Variants in PEPD observed in about 807,000 individuals in gnomAD.
PEPD encodes the protein peptidase D, also known as xaa-Pro dipeptidase.
In PEPD, 53 loss-of-function variants were observed where a neutral mutation model predicts 60.7. That is an observed-to-expected ratio of 0.87 (90% CI 0.70 to 1.10). PEPD has a LOEUF of 1.10. PEPD is among the 50% of genes least tolerant of loss of function. The probability of loss-of-function intolerance (pLI) is 0.00; values close to 1 mark genes in which losing one functional copy is unlikely to be tolerated. For synonymous variants in PEPD, 267 were observed against 284.1 expected, an observed-to-expected ratio of 0.94 and a Z score of 0.60; for missense variants, 711 against 711.9, an observed-to-expected ratio of 1.00 and a Z score of 0.01.
chr19:33,512,835 C>T lies in PEPD; in HGVS notation c.18-59G>A. Reference sequence around the variant, plus strand: ...CCTCTGTTAGCATCTCCAAGCATGCCCACACCTGAGGTCGGGGTGACCGGA... The same window carrying T: ...CCTCTGTTAGCATCTCCAAGCATGCTCACACCTGAGGTCGGGGTGACCGGA... On this transcript the variant is annotated intron_variant, in intron 1 of 14. Transcript: ENST00000244137. 4 of 1,588,344 alleles carry T rather than the reference C, an allele frequency of 2.5e-6. No homozygotes were observed. The South Asian group carries it at 3.3e-5, about 13-fold the overall frequency.
chr19:33,442,810 T>C (rs913351680), intron 9 of PEPD, among the ~76,000 whole-genome samples: 4 of 152,188 alleles, frequency 2.6e-5, no homozygotes, highest in African/African-American at 7.2e-5. Context: ...AAACCGATCT[T>C]ACCTGTCACT....
At chr19:33,486,524 GT>G (rs1970399810) in intron 6 of PEPD, among the ~76,000 whole-genome samples, 1 of 151,976 alleles carries the variant, frequency 6.6e-6, no homozygotes, top group Non-Finnish European at 1.5e-5. Context: ...AGTCCACAGG[GT>G]CTCTCTGGCC....
intron 9 of PEPD, among the ~76,000 whole-genome samples, chr19:33,415,738 G>A (rs945952896): frequency 3.9e-5 from 6 of 152,334 alleles, no homozygotes; most frequent in African/African-American, 1.4e-4. Flanking sequence ...CACCTGCAAA[G>A]TGCAGCCCGA....
chr19:33,389,890 C>T (rs563473038), intron 13 of PEPD, among the ~76,000 whole-genome samples: 120 of 152,354 alleles, frequency 7.9e-4, no homozygotes, highest in Middle Eastern at 3.4e-3. Flanking sequence ...AGGGCGCAGG[C>T]GCCATAAGAG....
At chr19:33,388,406 T>G in intron 13 of PEPD, 3 of 529,930 alleles carry the variant, frequency 5.7e-6, no homozygotes, top group African/African-American at 1.9e-5. Context: ...GGGCTGCCCT[T>G]AGCCAGGCCC....
intron 4 of PEPD, among the ~76,000 whole-genome samples, chr19:33,499,245 T>G (rs903140609): frequency 6.6e-6 from 1 of 152,060 alleles, no homozygotes; most frequent in Non-Finnish European, 1.5e-5. Context: ...GGGATTGAAA[T>G]AACATAACAT....
At chr19:33,511,906 AAC>A (rs1316515299) in intron 2 of PEPD, among the ~76,000 whole-genome samples, 4 of 152,136 alleles carry the variant, frequency 2.6e-5, no homozygotes, top group Non-Finnish European at 5.9e-5. Flanking sequence ...GTAAAGAAAA[AAC>A]ACAGTCTGCG....
chr19:33,492,250 C>G (rs56054308), intron 5 of PEPD, among the ~76,000 whole-genome samples: 1 of 152,064 alleles, frequency 6.6e-6, no homozygotes, highest in Admixed American at 6.5e-5. Flanking sequence ...TCGCACCCCC[C>G]ACCCTAGCCC....
chr19:33,448,136 TC>T (rs1372033183), intron 9 of PEPD, among the ~76,000 whole-genome samples: 2 of 152,154 alleles, frequency 1.3e-5, no homozygotes, highest in African/African-American at 2.4e-5. Flanking sequence ...GAATAATTAC[TC>T]CCGCAGGGAG....
chr19:33,416,247 A>G (rs1379165236), intron 9 of PEPD, among the ~76,000 whole-genome samples: 1 of 152,198 alleles, frequency 6.6e-6, no homozygotes, highest in East Asian at 1.9e-4. Flanking sequence ...ACAGGCTAAC[A>G]GCCTGTCCCG....
intron 5 of PEPD, among the ~76,000 whole-genome samples, chr19:33,492,967 C>T (rs1433204030): frequency 6.6e-6 from 1 of 152,192 alleles, no homozygotes; most frequent in African/African-American, 2.4e-5. Context: ...GCCTCAAACT[C>T]CTGGGCTCAA....
intron 13 of PEPD, among the ~76,000 whole-genome samples, chr19:33,391,009 T>C (rs541507147): frequency 6.6e-6 from 1 of 152,238 alleles, no homozygotes; most frequent in South Asian, 2.1e-4. Flanking sequence ...CCATGCACCG[T>C]ATCCTGACTG....
chr19:33,394,522 G>A (rs1225504400), intron 12 of PEPD, among the ~76,000 whole-genome samples: 2 of 152,238 alleles, frequency 1.3e-5, no homozygotes, highest in African/African-American at 4.8e-5. Context: ...TTGTGACAGT[G>A]ATTCAACCTC....
intron 5 of PEPD, 49 bp from the exon 6 acceptor site, chr19:33,490,106 C>A (rs771356780): frequency 4.1e-5 from 53 of 1,301,710 alleles, no homozygotes; most frequent in Admixed American, 3.5e-5. Flanking sequence ...ATGGCGCCCC[C>A]ACAGCCTGCA....
intron 9 of PEPD, among the ~76,000 whole-genome samples, chr19:33,448,293 G>A (rs905795862): frequency 2.6e-5 from 4 of 152,132 alleles, no homozygotes; most frequent in Non-Finnish European, 4.4e-5. Context: ...CACTAGATGC[G>A]CCCAGGACTT....
intron 9 of PEPD, among the ~76,000 whole-genome samples, chr19:33,452,212 T>G (rs934277230): frequency 2.0e-5 from 3 of 152,082 alleles, no homozygotes; most frequent in Admixed American, 6.5e-5. Flanking sequence ...CAAGAAAAAT[T>G]CAACCACATC....
chr19:33,485,024 T>C (rs1341228272), intron 6 of PEPD, among the ~76,000 whole-genome samples: 2 of 152,152 alleles, frequency 1.3e-5, no homozygotes, highest in Non-Finnish European at 2.9e-5. Context: ...GCTCTAAATG[T>C]GGGCTGGGAG....
intron 12 of PEPD, among the ~76,000 whole-genome samples, chr19:33,398,153 C>G (rs1359668462): frequency 6.6e-6 from 1 of 152,242 alleles, no homozygotes; most frequent in African/African-American, 2.4e-5. Context: ...CTCCCCGTGG[C>G]CTGGTGCTAC....
chr19:33,439,538 A>G (rs557357973), intron 9 of PEPD, among the ~76,000 whole-genome samples: 1 of 152,168 alleles, frequency 6.6e-6, no homozygotes, highest in Non-Finnish European at 1.5e-5. Context: ...GAGCCTCCCC[A>G]GCTGCTCTCA....
Sources: allele counts gnomAD v4.1 joint callset (sites outside exome capture counted in the v4.1 genomes callset), GRCh38; gene constraint gnomAD v4.1.1; transcripts MANE v1.5; gene names NCBI Gene and HGNC (gene_info 2026-07-23, HGNC 2026-07-21).